The following PARP8 variants were observed in gnomAD, a reference collection of about 807,000 sequenced individuals.
The protein encoded by PARP8 is protein mono-ADP-ribosyltransferase PARP8.
In PARP8, 51 loss-of-function variants were observed where a neutral mutation model predicts 124.1. That is an observed-to-expected ratio of 0.41 (90% CI 0.33 to 0.52). PARP8 has a LOEUF of 0.52. PARP8 is among the 20% of genes least tolerant of loss of function. The pLI, the probability that PARP8 is intolerant of heterozygous loss-of-function variation, is 0.21. For synonymous variants in PARP8, 391 were observed against 361.5 expected (o/e 1.08, Z -0.93); for missense variants, 860 against 1,018.9 (o/e 0.84, Z 2.12).
At chr5:50,744,899 T>G in intron 2 of PARP8, 1 of 638,830 alleles carries the variant, frequency 1.6e-6, no homozygotes, top group East Asian at 2.7e-5. Flanking sequence ...GCATTTATTA[T>G]GTACAGCACA....
chr5:50,680,685 C>G (rs1648368038), intron 2 of PARP8, among the ~76,000 whole-genome samples: 1 of 152,106 alleles, frequency 6.6e-6, no homozygotes, highest in South Asian at 2.1e-4. Flanking sequence ...CTTTCATAAG[C>G]CTTCCAAATG....
intron 2 of PARP8, among the ~76,000 whole-genome samples, chr5:50,738,398 A>G (rs777182563): frequency 6.6e-6 from 1 of 152,232 alleles, no homozygotes; most frequent in African/African-American, 2.4e-5. Context: ...TATAAAATTT[A>G]TGAATATTGC....
chr5:50,831,818 G>A (rs1002292995), intron 22 of PARP8, among the ~76,000 whole-genome samples: 10 of 152,130 alleles, frequency 6.6e-5, no homozygotes, highest in Admixed American at 2.6e-4. Flanking sequence ...TGGAGAGGGA[G>A]CACTTACCTT....
intron 3 of PARP8, among the ~76,000 whole-genome samples, chr5:50,756,516 A>AT (rs1759977123): frequency 6.6e-6 from 1 of 152,186 alleles, no homozygotes; most frequent in Non-Finnish European, 1.5e-5. Context: ...TACAGATGGG[A>AT]TGATCATCAA....
rs748310180 is a variant in PARP8 at position 50,795,120 on chromosome 5, A to C, written c.1131A>C (p.Leu377=). 3.1e-6 allele frequency: 5 copies of C among 1,614,098 alleles called. No homozygotes were observed. The African/African-American group carries it at 6.7e-5, about 22-fold the overall frequency. The change falls in exon 12 of 26, where the codon CTA becomes CTC. Residue 377 remains leucine (L), a synonymous_variant. Coordinates refer to ENST00000281631, the MANE Select transcript of PARP8 (RefSeq NM_024615.4). The part of the protein sequence containing the change: ...CPAAVKSEEC[L]TLKSHRLLTR... ...CAGCTGTTAAGTCAGAGGAATGCCT[A>C]ACTCTAAAGTCGCATAGACTATTGA...
intron 2 of PARP8, chr5:50,744,618 AT>A (rs1432997510): frequency 1.6e-6 from 1 of 640,292 alleles, no homozygotes; most frequent in African/African-American, 1.8e-5. Flanking sequence ...CACTGTTCAT[AT>A]AATATATACC....
At chr5:50,839,664 CTT>C (rs1491173289) in intron 25 of PARP8, among the ~76,000 whole-genome samples, 20 of 60,378 alleles carry the variant, frequency 3.3e-4, no homozygotes, top group Admixed American at 3.2e-3. Flanking sequence ...CTCTCTCTTT[CTT>C]TCTCTCTCTC....
intron 22 of PARP8, among the ~76,000 whole-genome samples, chr5:50,831,015 A>G (rs1460774990): frequency 6.6e-6 from 1 of 152,184 alleles, no homozygotes; most frequent in Non-Finnish European, 1.5e-5. Context: ...TGTTCTTCCA[A>G]CCATAACAAG....
intron 14 of PARP8, among the ~76,000 whole-genome samples, chr5:50,811,859 A>G (rs1262216561): frequency 1.3e-5 from 2 of 152,090 alleles, no homozygotes; most frequent in African/African-American, 4.8e-5. Flanking sequence ...TGTCTTTGCG[A>G]TAGTTTGCTC....
intron 7 of PARP8, among the ~76,000 whole-genome samples, chr5:50,768,006 C>CAT (rs916142770): frequency 6.7e-6 from 1 of 149,620 alleles, no homozygotes; most frequent in East Asian, 1.9e-4. Flanking sequence ...TGTGTATATA[C>CAT]ATATATGTGT....
chr5:50,706,273 A>T (rs1194938419), intron 2 of PARP8, among the ~76,000 whole-genome samples: 1 of 152,104 alleles, frequency 6.6e-6, no homozygotes, highest in South Asian at 2.1e-4. Context: ...GTGACGTTTC[A>T]TATGCTTTTA....
rs762156243 is a variant in PARP8, at chr5:50,842,095, C to T, written c.*27C>T. ...GGACCACCATTTAATTAACATGATT[C>T]GAAAGCCTTCCTCGGGTTCAAAGCT... On this transcript the variant is annotated 3_prime_UTR_variant, in exon 26 of 26. Coordinates refer to ENST00000281631, the MANE Select transcript of PARP8 (RefSeq NM_024615.4). The T allele has an allele frequency of 1.5e-5, 23 of 1,485,218 alleles. No homozygotes were observed. Among genetic ancestry groups the T allele is most frequent in the East Asian group, 2.3e-5 (1 of 42,820 alleles). The allele number at this position is 1,485,218 out of a possible 1,614,324, so 92.0% of individuals were successfully genotyped here.
At chr5:50,812,936 C>T (rs1012869567) in intron 14 of PARP8, among the ~76,000 whole-genome samples, 5 of 152,072 alleles carry the variant, frequency 3.3e-5, no homozygotes, top group Non-Finnish European at 4.4e-5. Context: ...GGGCTCTGTT[C>T]TGTTCCATTG....
Position 50,833,698 on chromosome 5 carries a change from G to A in PARP8, c.2308-281G>A, listed in dbSNP as rs532789237. ...TTGAAATAAAGAGGCCAAGCTTTTA[G>A]TAAAAATAAATTTGAGTTCTAATTC... On this transcript the variant is annotated intron_variant, in intron 23 of 25. Transcript: ENST00000281631. Among the ~76,000 whole-genome samples the A allele has an allele frequency of 4.6e-5, 7 of 152,246 alleles. No individual in the cohort carries two copies. In the East Asian group the frequency reaches 9.7e-4, roughly 21 times the overall value.
At chr5:50,719,780 A>T (rs1336452638) in intron 2 of PARP8, among the ~76,000 whole-genome samples, 1 of 152,104 alleles carries the variant, frequency 6.6e-6, no homozygotes, top group African/African-American at 2.4e-5. Flanking sequence ...TAAAAGAATA[A>T]AGAGAGAAGT....
At chr5:50,753,968 GT>G (rs1450795465) in intron 3 of PARP8, among the ~76,000 whole-genome samples, 1 of 149,398 alleles carries the variant, frequency 6.7e-6, no homozygotes, top group Non-Finnish European at 1.5e-5. Flanking sequence ...ATATCTTGCT[GT>G]TAACAGCCTT....
chr5:50,727,585 G>C (rs1756554814), intron 2 of PARP8, among the ~76,000 whole-genome samples: 1 of 152,058 alleles, frequency 6.6e-6, no homozygotes, highest in Non-Finnish European at 1.5e-5. Flanking sequence ...GTCAGTTATG[G>C]TCTATACCTT....
intron 11 of PARP8, 100 bp from the exon 12 acceptor site, chr5:50,794,753 G>T: frequency 9.4e-7 from 1 of 1,060,776 alleles, no homozygotes; most frequent in Non-Finnish European, 1.4e-6. Context: ...TGAGGTGGTA[G>T]AATATTTATT....
intron 6 of PARP8, 62 bp from the exon 7 acceptor site, chr5:50,763,086 G>T: frequency 7.7e-7 from 1 of 1,299,746 alleles, no homozygotes; most frequent in East Asian, 2.3e-5. Context: ...GTCTCAAAAG[G>T]TTGCTTAAGT....
Sources: gnomAD v4.1 joint callset for allele counts (sites outside exome capture counted in the v4.1 genomes callset) on GRCh38, gnomAD v4.1.1 for gene constraint, MANE v1.5 for transcripts, NCBI Gene and HGNC (gene_info 2026-07-23, HGNC 2026-07-21) for gene names.